Variants in UGT1A4 observed in about 807,000 individuals in gnomAD.
UGT1A4 encodes the protein UDP-glucuronosyltransferase 1A4.
Under a neutral mutation model 41.1 loss-of-function variants are expected in UGT1A4, and 32 were observed. The ratio of observed to expected loss-of-function variants is 0.78; its 90% CI spans 0.59 to 1.05. The LOEUF (loss-of-function observed/expected upper bound fraction) is 1.05. Ranked by LOEUF, UGT1A4 falls within the 50% of genes least tolerant of loss-of-function variation. UGT1A4 has a pLI of 0.00. For missense variants in UGT1A4, 748 were observed against 677.4 expected (o/e 1.10, Z -1.16); for synonymous variants, 283 against 265.1 (o/e 1.07, Z -0.66).
intron 1 of UGT1A4, among the ~76,000 whole-genome samples, chr2:233,720,407 A>G (rs2076856219): frequency 6.6e-6 from 1 of 152,094 alleles, no homozygotes; most frequent in African/African-American, 2.4e-5. Context: ...AGTGGGTGGA[A>G]GGGACTAGGG....
intron 1 of UGT1A4, chr2:233,747,457 T>A: frequency 6.2e-7 from 1 of 1,608,932 alleles, no homozygotes; most frequent in South Asian, 1.1e-5. Flanking sequence ...ACCTATGCCA[T>A]TTCATGGACC....
chr2:233,751,665 G>A (rs1281035345), intron 1 of UGT1A4, among the ~76,000 whole-genome samples: 6 of 152,196 alleles, frequency 3.9e-5, no homozygotes, highest in African/African-American at 1.4e-4. Context: ...TACTGAGTGA[G>A]TTCTAATGAG....
intron 1 of UGT1A4, among the ~76,000 whole-genome samples, chr2:233,724,270 G>C (rs1404305230): frequency 7.4e-6 from 1 of 134,526 alleles, no homozygotes; most frequent in African/African-American, 2.8e-5. Context: ...CGGACGGGGC[G>C]GCTGGCCGGG....
At chr2:233,760,764 C>G (rs199766420) in intron 1 of UGT1A4, 1 of 1,614,088 alleles carries the variant, frequency 6.2e-7, no homozygotes, top group Non-Finnish European at 8.5e-7. Flanking sequence ...GCAGCCCCAT[C>G]GTGGCCCAGT....
chr2:233,726,121 A>G (rs2077505060), intron 1 of UGT1A4, among the ~76,000 whole-genome samples: 1 of 152,216 alleles, frequency 6.6e-6, no homozygotes, highest in South Asian at 2.1e-4. Context: ...TGCCATGTTC[A>G]CACCACCTCA....
intron 1 of UGT1A4, among the ~76,000 whole-genome samples, chr2:233,731,771 A>T (rs1045763879): frequency 6.6e-6 from 1 of 152,184 alleles, no homozygotes; most frequent in Non-Finnish European, 1.5e-5. Flanking sequence ...TTAGAGTAGT[A>T]TCATTTATAA....
At position 233,772,339 on chromosome 2, in the gene UGT1A4, G is replaced by A; in HGVS notation, c.1385G>A (p.Trp462Ter). The change falls in exon 5 of 5, where the codon TGG (tryptophan) becomes TAG (stop). Residue 462 changes from tryptophan to a stop codon, truncating the protein, a stop_gained. Transcript: ENST00000373409. LOFTEE classifies it high-confidence loss of function. ...GAGCCGCTGGACCTGGCCGTGTTCT[G>A]GGTGGAGTTTGTGATGAGGCACAAG... ...PVEPLDLAVF[W>*]VEFVMRHKGA... 2 of 1,614,256 alleles carry A rather than the reference G, an allele frequency of 1.2e-6. No homozygotes were observed. The highest frequency in any genetic ancestry group is 1.7e-6 in the Non-Finnish European group (2 of 1,180,038).
intron 1 of UGT1A4, chr2:233,729,354 C>T: frequency 1.9e-6 from 3 of 1,614,190 alleles, no homozygotes; most frequent in African/African-American, 1.3e-5. Context: ...ACTTTTTCAC[C>T]CTGACAACCT....
chr2:233,754,486 C>T (rs2125926114), intron 1 of UGT1A4: 1 of 357,902 alleles, frequency 2.8e-6, no homozygotes, highest in East Asian at 7.3e-5. Context: ...CACTTTCAAT[C>T]CTAAAAAAAG....
chr2:233,740,163 G>T (rs1258097121), intron 1 of UGT1A4, among the ~76,000 whole-genome samples: 1 of 151,848 alleles, frequency 6.6e-6, no homozygotes, highest in Non-Finnish European at 1.5e-5. Flanking sequence ...CCCCAGTCAT[G>T]TGGAACTGTG....
intron 1 of UGT1A4, chr2:233,729,394 G>T: frequency 1.2e-6 from 2 of 1,613,862 alleles, no homozygotes; most frequent in Non-Finnish European, 1.7e-6. Context: ...GGATGAATTT[G>T]ATCGCCATGT....
rs113010112 is a variant in UGT1A4, at chr2:233,729,455, T to A, written c.867+9768T>A. ...GAAACAGAACATTTTCTGAAGAAAT[T>A]TTTCAGAAGTATGGCAATGTTGAAC... On this transcript the variant is annotated intron_variant, in intron 1 of 4. Coordinates refer to ENST00000373409, the MANE Select transcript of UGT1A4 (RefSeq NM_007120.3). The A allele has an allele frequency of 2.5e-6, 4 of 1,614,068 alleles. No individual in the cohort carries two copies. In the African/African-American group the frequency reaches 5.3e-5, roughly 22 times the overall value.
At chr2:233,746,103 G>C (rs1465134401) in intron 1 of UGT1A4, among the ~76,000 whole-genome samples, 1 of 151,806 alleles carries the variant, frequency 6.6e-6, no homozygotes, top group Non-Finnish European at 1.5e-5. Flanking sequence ...CATGTCCAGA[G>C]TGCTTACTGT....
chr2:233,731,735 C>T (rs574748193), intron 1 of UGT1A4, among the ~76,000 whole-genome samples: 1 of 152,288 alleles, frequency 6.6e-6, no homozygotes, highest in East Asian at 1.9e-4. Flanking sequence ...AATAGTGCCA[C>T]AATAAACATA....
chr2:233,744,390 C>A (rs894432341), intron 1 of UGT1A4, among the ~76,000 whole-genome samples: 4 of 151,862 alleles, frequency 2.6e-5, no homozygotes, highest in Non-Finnish European at 5.9e-5. Context: ...AACGTTCCAG[C>A]CCCGGTGCCC....
chr2:233,766,694 C>G (rs996253647), intron 1 of UGT1A4, among the ~76,000 whole-genome samples: 7 of 152,162 alleles, frequency 4.6e-5, no homozygotes, highest in Non-Finnish European at 1.0e-4. Context: ...ATCACTGATG[C>G]CTTGCTCTGT....
At chr2:233,728,098 T>G (rs1183146949) in intron 1 of UGT1A4, among the ~76,000 whole-genome samples, 2 of 152,208 alleles carry the variant, frequency 1.3e-5, no homozygotes, top group East Asian at 3.9e-4. Context: ...GAAAGGCACA[T>G]ATTTAATTCT....
At chr2:233,765,745 A>G (rs554567026) in intron 1 of UGT1A4, among the ~76,000 whole-genome samples, 1 of 151,724 alleles carries the variant, frequency 6.6e-6, no homozygotes, top group Non-Finnish European at 1.5e-5. Context: ...AAACCCATAA[A>G]GCCATTTGAG....
chr2:233,755,959 G>C (rs2125939484), intron 1 of UGT1A4: 1 of 152,196 alleles, frequency 6.6e-6, no homozygotes, highest in East Asian at 1.9e-4. Flanking sequence ...TTTAGTACTT[G>C]GCTCTATAGA....
Sources: gnomAD v4.1 joint callset for allele counts (sites outside exome capture counted in the v4.1 genomes callset) on GRCh38, gnomAD v4.1.1 for gene constraint, MANE v1.5 for transcripts, NCBI Gene and HGNC (gene_info 2026-07-23, HGNC 2026-07-21) for gene names.